Variants in NEDD4L observed in about 807,000 individuals in gnomAD.
NEDD4L encodes the protein NEDD4 like E3 ubiquitin protein ligase.
NEDD4L carries 54 observed loss-of-function variants against 148.9 expected under a neutral mutation model. That is an observed-to-expected ratio of 0.36 (90% CI 0.29 to 0.45). The LOEUF (loss-of-function observed/expected upper bound fraction) is 0.45, where lower values mean the gene tolerates loss of function less well. Ranked by LOEUF, NEDD4L falls within the 20% of genes least tolerant of loss-of-function variation. The pLI, the probability that NEDD4L is intolerant of heterozygous loss-of-function variation, is 1.00. For synonymous variants in NEDD4L, 433 were observed against 440.7 expected (o/e 0.98, Z 0.22); for missense variants, 856 against 1,233.8 (o/e 0.69, Z 4.59).
In NEDD4L at chr18:58,330,730, T is replaced by A; in HGVS notation, c.814-8T>A. 1 of 1,558,414 alleles carries A rather than the reference T, an allele frequency of 6.4e-7. No individual in the cohort carries two copies. The highest frequency in any genetic ancestry group is 8.7e-7 in the Non-Finnish European group (1 of 1,149,624). ...TAGTGTTTACCCCAGTGTCTCCTTC[T>A]CTGAAAGCCTTGGGAGACCATTTCA... On this transcript the variant is annotated splice_region_variant and splice_polypyrimidine_tract_variant and intron_variant, in intron 10 of 30. Transcript: ENST00000400345.
intron 1 of NEDD4L, among the ~76,000 whole-genome samples, chr18:58,154,044 A>G (rs2035147839): frequency 6.6e-6 from 1 of 152,276 alleles, no homozygotes; most frequent in African/African-American, 2.4e-5. Context: ...TTCAAGTTAC[A>G]GAAAGAAATA....
chr18:58,300,410 A>T (rs899080193), intron 5 of NEDD4L, among the ~76,000 whole-genome samples: 15 of 152,230 alleles, frequency 9.9e-5, no homozygotes, highest in Non-Finnish European at 4.4e-5. Flanking sequence ...CATCTAGTGC[A>T]CAAGTCTTCT....
intron 1 of NEDD4L, among the ~76,000 whole-genome samples, chr18:58,071,182 A>C (rs2082858928): frequency 6.6e-6 from 1 of 152,170 alleles, no homozygotes; most frequent in African/African-American, 2.4e-5. Flanking sequence ...ATGTCTAAAG[A>C]ATCACATGAA....
chr18:58,134,305 A>G (rs914338291), intron 1 of NEDD4L, among the ~76,000 whole-genome samples: 1 of 150,530 alleles, frequency 6.6e-6, no homozygotes, highest in African/African-American at 2.5e-5. Flanking sequence ...CTGGCCTAAT[A>G]TTCTTAATTT....
chr18:58,122,165 G>C (rs1208090689), intron 1 of NEDD4L, among the ~76,000 whole-genome samples: 1 of 152,228 alleles, frequency 6.6e-6, no homozygotes, highest in Non-Finnish European at 1.5e-5. Context: ...CCCACAACCT[G>C]ATGGCAGGGT....
intron 2 of NEDD4L, among the ~76,000 whole-genome samples, chr18:58,203,994 A>G: frequency 6.6e-6 from 1 of 152,222 alleles, no homozygotes; most frequent in East Asian, 1.9e-4. Flanking sequence ...CCAGTTTCAT[A>G]GAATGACTTA....
intron 1 of NEDD4L, among the ~76,000 whole-genome samples, chr18:58,059,702 G>A (rs1251157555): frequency 1.3e-5 from 2 of 152,182 alleles, no homozygotes; most frequent in Admixed American, 6.5e-5. Context: ...CTCACCTCTT[G>A]TGGGACATGG....
At chr18:58,333,243 A>G (rs2041258049) in intron 11 of NEDD4L, among the ~76,000 whole-genome samples, 1 of 150,710 alleles carries the variant, frequency 6.6e-6, no homozygotes, top group East Asian at 1.9e-4. Flanking sequence ...ATGCCACTGC[A>G]CTCCAGCCTG....
In NEDD4L at chr18:58,240,719, C is replaced by T. The variant is rs373132143; in HGVS notation, c.123-4708C>T. On this transcript the variant is annotated intron_variant, in intron 2 of 30. Coordinates refer to ENST00000400345, the MANE Select transcript of NEDD4L (RefSeq NM_001144967.3). ...CGCGGAGGCCTTCCGTTGGGTCCCA[C>T]TGCCTGCTGTCTTATCTCCTTCTAA... 5.3e-5 allele frequency among the ~76,000 whole-genome samples: 8 copies of T among 152,310 alleles called. No individual in the cohort carries two copies. In the East Asian group the frequency reaches 9.6e-4, roughly 18 times the overall value.
chr18:58,136,746 C>A (rs2032893880), intron 1 of NEDD4L, among the ~76,000 whole-genome samples: 2 of 152,204 alleles, frequency 1.3e-5, no homozygotes, highest in South Asian at 4.1e-4. Context: ...CTGGTTCAGA[C>A]CCAGCACTGT....
chr18:58,385,115 A>G (rs1271561107), intron 25 of NEDD4L, among the ~76,000 whole-genome samples: 1 of 152,238 alleles, frequency 6.6e-6, no homozygotes, highest in Non-Finnish European at 1.5e-5. Context: ...ACAAATATGT[A>G]TACATATATG....
chr18:58,191,099 A>T (rs2040060657), intron 2 of NEDD4L, among the ~76,000 whole-genome samples: 1 of 152,220 alleles, frequency 6.6e-6, no homozygotes, highest in South Asian at 2.1e-4. Context: ...TGGGTGGCAG[A>T]GTGAGACTCT....
chr18:58,190,536 G>A (rs1181357879), intron 2 of NEDD4L, among the ~76,000 whole-genome samples: 10 of 152,156 alleles, frequency 6.6e-5, no homozygotes, highest in Non-Finnish European at 7.3e-5. Flanking sequence ...AAGGTCTGAA[G>A]GGTATTAATG....
intron 1 of NEDD4L, among the ~76,000 whole-genome samples, chr18:58,113,966 C>T (rs1006658557): frequency 6.6e-5 from 10 of 152,204 alleles, no homozygotes; most frequent in African/African-American, 2.2e-4. Flanking sequence ...CCCACGTTTT[C>T]TGTCCTCTGT....
chr18:58,317,268 A>C (rs2149428096), intron 6 of NEDD4L, among the ~76,000 whole-genome samples: 1 of 152,360 alleles, frequency 6.6e-6, no homozygotes, highest in East Asian at 1.9e-4. Context: ...GAGCCATCAG[A>C]AACCTGACTG....
intron 20 of NEDD4L, among the ~76,000 whole-genome samples, chr18:58,365,103 T>C (rs1419531447): frequency 6.6e-6 from 1 of 152,164 alleles, no homozygotes; most frequent in Non-Finnish European, 1.5e-5. Context: ...CTCAGCTGGT[T>C]CCTCCTGCCC....
At chr18:58,063,018 C>T (rs12456990) in intron 1 of NEDD4L, among the ~76,000 whole-genome samples, 90,173 of 112,152 alleles carry the variant, frequency 0.8, 37,086 homozygotes, top group East Asian at 1. Flanking sequence ...ATCGAAGGGT[C>T]GATAATTTCA....
intron 5 of NEDD4L, among the ~76,000 whole-genome samples, chr18:58,306,541 A>G (rs2057084158): frequency 6.6e-6 from 1 of 151,964 alleles, no homozygotes. Flanking sequence ...TACATGAAGT[A>G]CAGGTTCTGC....
At chr18:58,080,947 G>C (rs1347080645) in intron 1 of NEDD4L, among the ~76,000 whole-genome samples, 1 of 152,096 alleles carries the variant, frequency 6.6e-6, no homozygotes, top group Admixed American at 6.5e-5. Context: ...AGAGGGCTGG[G>C]GGGTATGAAA....
Sources: gnomAD v4.1 joint callset for allele counts (sites outside exome capture counted in the v4.1 genomes callset) on GRCh38, gnomAD v4.1.1 for gene constraint, MANE v1.5 for transcripts, NCBI Gene and HGNC (gene_info 2026-07-23, HGNC 2026-07-21) for gene names.